The following CHRM3 variants were observed in gnomAD, a reference collection of about 807,000 sequenced individuals.
CHRM3 encodes cholinergic receptor muscarinic 3, also known as muscarinic acetylcholine receptor M3.
In CHRM3, 11 loss-of-function variants were observed where a neutral mutation model predicts 41.8. The ratio of observed to expected loss-of-function variants is 0.26; its 90% CI spans 0.17 to 0.44. The LOEUF is 0.44. Among genes scored for constraint, CHRM3 ranks in the 20% least tolerant of loss-of-function variants. The pLI is 1.00. For synonymous variants in CHRM3, 297 were observed against 301.4 expected, an observed-to-expected ratio of 0.99 and a Z score of 0.15; for missense variants, 571 against 745.4, an observed-to-expected ratio of 0.77 and a Z score of 2.72.
chr1:239,515,113 T>A (rs1669170597), intron 2 of CHRM3, among the ~76,000 whole-genome samples: 1 of 152,138 alleles, frequency 6.6e-6, no homozygotes, highest in Non-Finnish European at 1.5e-5. Flanking sequence ...TTTCTCTCAA[T>A]ATGTTTTCTC....
At chr1:239,845,459 C>A (rs891901573) in intron 6 of CHRM3, among the ~76,000 whole-genome samples, 24 of 152,272 alleles carry the variant, frequency 1.6e-4, no homozygotes, top group African/African-American at 5.8e-4. Context: ...GGGCCTGAAT[C>A]CACAGGTTGA....
chr1:239,858,772 GC>G (rs997398467), intron 6 of CHRM3, among the ~76,000 whole-genome samples: 9 of 152,108 alleles, frequency 5.9e-5, no homozygotes, highest in African/African-American at 2.2e-4. Flanking sequence ...TGTTCCTAGA[GC>G]CCCTCCCCCA....
intron 5 of CHRM3, among the ~76,000 whole-genome samples, chr1:239,822,822 A>T (rs75337325): frequency 0.023 from 3,559 of 152,330 alleles, 154 homozygotes; most frequent in African/African-American, 0.081. Context: ...TGTGGAGCTT[A>T]GGCAATTTGC....
intron 5 of CHRM3, among the ~76,000 whole-genome samples, chr1:239,679,718 T>C (rs1658372904): frequency 6.6e-6 from 1 of 152,166 alleles, no homozygotes; most frequent in African/African-American, 2.4e-5. Flanking sequence ...AGTTCGTTTA[T>C]TTTATTATTT....
At chr1:239,603,052 CTTTCTG>C (rs569555116) in intron 3 of CHRM3, among the ~76,000 whole-genome samples, 239 of 152,080 alleles carry the variant, frequency 1.6e-3, no homozygotes, top group African/African-American at 1.9e-3. Flanking sequence ...CACCATTCCA[CTTTCTG>C]TTTCTAAGAG....
At chr1:239,880,489 T>C (rs1677495304) in intron 6 of CHRM3, among the ~76,000 whole-genome samples, 1 of 152,240 alleles carries the variant, frequency 6.6e-6, no homozygotes, top group African/African-American at 2.4e-5. Context: ...TTTAGCTATG[T>C]GGAGGTTTGT....
chr1:239,784,780 T>G (rs1668765644), intron 5 of CHRM3, among the ~76,000 whole-genome samples: 1 of 152,222 alleles, frequency 6.6e-6, no homozygotes, highest in African/African-American at 2.4e-5. Flanking sequence ...CTGAATTAAC[T>G]TATTAGCAAC....
At chr1:239,479,220 A>ACACG (rs1390497640) in intron 1 of CHRM3, among the ~76,000 whole-genome samples, 1 of 151,786 alleles carries the variant, frequency 6.6e-6, no homozygotes, top group East Asian at 1.9e-4. Flanking sequence ...ACACACACAC[A>ACACG]CACACACACA....
chr1:239,407,044 C>T (rs1660644575), intron 1 of CHRM3, among the ~76,000 whole-genome samples: 1 of 152,178 alleles, frequency 6.6e-6, no homozygotes, highest in Non-Finnish European at 1.5e-5. Context: ...GCAAAACTAA[C>T]CTTACAAGTG....
At chr1:239,473,810 G>A (rs1666292033) in intron 1 of CHRM3, among the ~76,000 whole-genome samples, 1 of 151,812 alleles carries the variant, frequency 6.6e-6, no homozygotes, top group Non-Finnish European at 1.5e-5. Context: ...GTTCTGCACT[G>A]TTAAGGCATA....
In CHRM3 at chr1:239,896,476, G is replaced by A. The variant is rs142443018; in HGVS notation, c.-19-10957G>A. On this transcript the variant is annotated intron_variant, in intron 6 of 6. Transcript: ENST00000676153. ...AAATAATGATTGAAGAGTTGAACAC[G>A]TGAATATGAGATTCCTTTTTTGCTG... Among the ~76,000 whole-genome samples, 325 of 152,306 alleles carry A rather than the reference G, an allele frequency of 2.1e-3. 2 individuals are homozygous for A. The highest frequency in any genetic ancestry group is 6.9e-3 in the African/African-American group (287 of 41,576).
At chr1:239,569,756 G>A (rs994255221) in intron 3 of CHRM3, among the ~76,000 whole-genome samples, 2 of 152,116 alleles carry the variant, frequency 1.3e-5, no homozygotes, top group Admixed American at 6.6e-5. Flanking sequence ...GAATTGGATG[G>A]CAAAGCTGGA....
At chr1:239,860,364 A>C (rs1431622263) in intron 6 of CHRM3, among the ~76,000 whole-genome samples, 1 of 152,224 alleles carries the variant, frequency 6.6e-6, no homozygotes, top group Non-Finnish European at 1.5e-5. Flanking sequence ...TCTGCATTTA[A>C]CAGCAAACAT....
At chr1:239,402,230 T>A (rs888054599) in intron 1 of CHRM3, among the ~76,000 whole-genome samples, 7 of 152,182 alleles carry the variant, frequency 4.6e-5, no homozygotes, top group African/African-American at 1.7e-4. Flanking sequence ...ATCACAGTGT[T>A]CCAAGGAGAA....
chr1:239,686,782 T>C (rs1238912570), intron 5 of CHRM3, among the ~76,000 whole-genome samples: 1 of 152,214 alleles, frequency 6.6e-6, no homozygotes, highest in Non-Finnish European at 1.5e-5. Flanking sequence ...AATTATGCAA[T>C]CAACTAATTT....
chr1:239,841,228 C>G (rs1673770048), intron 6 of CHRM3, among the ~76,000 whole-genome samples: 1 of 152,142 alleles, frequency 6.6e-6, no homozygotes, highest in Non-Finnish European at 1.5e-5. Context: ...TGATATCAGT[C>G]TTTCCTTGAA....
At chr1:239,733,742 T>C (rs1392580279) in intron 5 of CHRM3, among the ~76,000 whole-genome samples, 2 of 152,220 alleles carry the variant, frequency 1.3e-5, no homozygotes, top group Non-Finnish European at 2.9e-5. Context: ...GCTTAATGTA[T>C]GGCTTCACTA....
intron 3 of CHRM3, among the ~76,000 whole-genome samples, chr1:239,572,061 G>A (rs1056151807): frequency 6.6e-6 from 1 of 152,146 alleles, no homozygotes; most frequent in Non-Finnish European, 1.5e-5. Flanking sequence ...CATCCTATTG[G>A]AAAGTTACAG....
chr1:239,457,320 C>A (rs1423956098), intron 1 of CHRM3, among the ~76,000 whole-genome samples: 6 of 152,094 alleles, frequency 3.9e-5, no homozygotes, highest in South Asian at 4.1e-4. Flanking sequence ...ATATGCTAAG[C>A]AACCTAAGAT....
Sources: allele counts gnomAD v4.1 joint callset (sites outside exome capture counted in the v4.1 genomes callset), GRCh38; gene constraint gnomAD v4.1.1; transcripts MANE v1.5; gene names NCBI Gene and HGNC (gene_info 2026-07-23, HGNC 2026-07-21).